Variants in ERC2 observed in about 807,000 individuals in gnomAD.
ERC2 encodes ELKS/RAB6-interacting/CAST family member 2.
Under a neutral mutation model 114.8 loss-of-function variants are expected in ERC2, and 42 were observed. That is an observed-to-expected ratio of 0.37 (90% CI 0.29 to 0.47). The LOEUF is 0.47. Ranked by LOEUF, ERC2 falls within the 20% of genes least tolerant of loss-of-function variation. The pLI is 0.99. For synonymous variants in ERC2, 454 were observed against 425.5 expected, an observed-to-expected ratio of 1.07 and a Z score of -0.82; for missense variants, 939 against 1,150.7, an observed-to-expected ratio of 0.82 and a Z score of 2.66.
intron 14 of ERC2, among the ~76,000 whole-genome samples, chr3:55,807,660 G>C (rs553396560): frequency 6.6e-6 from 1 of 152,174 alleles, no homozygotes; most frequent in African/African-American, 2.4e-5. Flanking sequence ...CCATCTGCTC[G>C]AGATGGAGGA....
intron 2 of ERC2, among the ~76,000 whole-genome samples, chr3:56,325,705 C>G (rs961919804): frequency 6.6e-6 from 1 of 152,138 alleles, no homozygotes; most frequent in African/African-American, 2.4e-5. Context: ...AAAGTACTTA[C>G]CCTGCACTGA....
At chr3:56,200,231 A>C (rs1469594167) in intron 3 of ERC2, among the ~76,000 whole-genome samples, 2 of 151,946 alleles carry the variant, frequency 1.3e-5, no homozygotes, top group Non-Finnish European at 2.9e-5. Context: ...AAACCCTCAC[A>C]CAGAGCAGGT....
In ERC2 at chr3:56,080,708, C is replaced by A. The variant is rs111399182; in HGVS notation, c.1641+109G>T. 2.3e-4 allele frequency: 256 copies of A among 1,114,570 alleles called. No individual in the cohort carries two copies. The African/African-American group carries it at 3.6e-3, about 16-fold the overall frequency. The allele number at this position is 1,114,570 out of a possible 1,614,324, so 69.0% of individuals were successfully genotyped here. A position where few individuals can be genotyped will look rare whatever the true frequency, so the allele number is the denominator to read the frequency against. ...ACACCAGTATGAAAATCAGCCTATT[C>A]TTCCTAAAGATTCGTAAAAGATCAC... On this transcript the variant is annotated intron_variant, in intron 7 of 17. Coordinates refer to ENST00000288221, the MANE Select transcript of ERC2 (RefSeq NM_015576.3).
At chr3:55,802,775 T>C (rs547420451) in intron 14 of ERC2, among the ~76,000 whole-genome samples, 2 of 152,204 alleles carry the variant, frequency 1.3e-5, no homozygotes, top group South Asian at 2.1e-4. Context: ...TTTTTTTTTC[T>C]GAAGGATTAA....
intron 17 of ERC2, among the ~76,000 whole-genome samples, chr3:55,583,894 C>CG (rs2057453830): frequency 6.6e-6 from 1 of 151,690 alleles, no homozygotes; most frequent in Admixed American, 6.6e-5. Flanking sequence ...GCTAGCCCCC[C>CG]TCCCAAAACA....
chr3:56,127,645 C>T (rs1293307413), intron 6 of ERC2, among the ~76,000 whole-genome samples: 1 of 151,940 alleles, frequency 6.6e-6, no homozygotes, highest in Non-Finnish European at 1.5e-5. Flanking sequence ...ATTGCTTGAA[C>T]CCAGGAGGCA....
chr3:56,003,847 T>A (rs772657121), intron 10 of ERC2, among the ~76,000 whole-genome samples: 50 of 152,244 alleles, frequency 3.3e-4, no homozygotes, highest in Non-Finnish European at 6.6e-4. Context: ...TCTTGTCTAT[T>A]TTGTGTTGAA....
intron 6 of ERC2, 78 bp downstream of exon 6, chr3:56,139,431 G>T: frequency 7.0e-7 from 1 of 1,420,894 alleles, no homozygotes; most frequent in Non-Finnish European, 9.6e-7. Context: ...AAGGGTCTTT[G>T]GAGGAAAGTT....
At chr3:56,132,380 T>C (rs1442128890) in intron 6 of ERC2, among the ~76,000 whole-genome samples, 1 of 152,252 alleles carries the variant, frequency 6.6e-6, no homozygotes, top group Non-Finnish European at 1.5e-5. Flanking sequence ...GTCTGCTCTC[T>C]AGTTTGTGTT....
chr3:55,956,998 C>T (rs2068003364), intron 12 of ERC2, among the ~76,000 whole-genome samples: 1 of 152,144 alleles, frequency 6.6e-6, no homozygotes, highest in South Asian at 2.1e-4. Context: ...TCTCACAACG[C>T]CAACATACTT....
chr3:55,835,953 C>G (rs1027942332), intron 14 of ERC2, among the ~76,000 whole-genome samples: 35 of 151,536 alleles, frequency 2.3e-4, no homozygotes, highest in Middle Eastern at 6.8e-3. Flanking sequence ...TTCTTATACA[C>G]CAATAACAGA....
rs1576941988 is a variant in ERC2, at chr3:56,433,565, A to C, written c.657+786T>G. ...AAGATAAGGCTGGAAATGTTGGCCC[A>C]GGCCTTCTAGTAGAAGTGCTATGGG... On this transcript the variant is annotated intron_variant, in intron 2 of 17. Coordinates refer to ENST00000288221, the MANE Select transcript of ERC2 (RefSeq NM_015576.3). Among the ~76,000 whole-genome samples, 3 of 152,366 alleles carry C rather than the reference A, an allele frequency of 2.0e-5. No homozygotes were observed. In the South Asian group the frequency reaches 6.2e-4, roughly 32 times the overall value.
chr3:55,629,476 C>A (rs9818576), intron 17 of ERC2, among the ~76,000 whole-genome samples: 1 of 152,154 alleles, frequency 6.6e-6, no homozygotes, highest in South Asian at 2.1e-4. Context: ...GATTTTATTA[C>A]AGTAATTCAA....
At chr3:55,782,823 G>A (rs1484736963) in intron 14 of ERC2, among the ~76,000 whole-genome samples, 1 of 152,148 alleles carries the variant, frequency 6.6e-6, no homozygotes, top group Admixed American at 6.5e-5. Flanking sequence ...TCACCTTCCA[G>A]CTTGGAAATA....
intron 4 of ERC2, among the ~76,000 whole-genome samples, chr3:56,159,334 G>GA (rs903607599): frequency 1.3e-5 from 2 of 151,914 alleles, no homozygotes; most frequent in African/African-American, 4.8e-5. Context: ...GAAAGAAGAG[G>GA]AAAAAAATCC....
chr3:56,398,386 T>C (rs1301895316), intron 2 of ERC2, among the ~76,000 whole-genome samples: 1 of 152,286 alleles, frequency 6.6e-6, no homozygotes, highest in Non-Finnish European at 1.5e-5. Flanking sequence ...AAAGTAGGGT[T>C]GCCAGATAAA....
At chr3:56,237,603 C>T (rs1389403126) in intron 3 of ERC2, among the ~76,000 whole-genome samples, 3 of 152,184 alleles carry the variant, frequency 2.0e-5, no homozygotes, top group Non-Finnish European at 1.5e-5. Flanking sequence ...CTTAAGCAAT[C>T]CTCTCTGGAA....
chr3:55,631,444 G>A (rs1209789181), intron 17 of ERC2, among the ~76,000 whole-genome samples: 1 of 152,136 alleles, frequency 6.6e-6, no homozygotes, highest in Non-Finnish European at 1.5e-5. Flanking sequence ...GACCTTCCAG[G>A]AAGAAAGGAA....
intron 2 of ERC2, among the ~76,000 whole-genome samples, chr3:56,337,493 T>G (rs1560618469): frequency 1.3e-5 from 2 of 152,228 alleles, no homozygotes; most frequent in Non-Finnish European, 2.9e-5. Context: ...CAATTTCACC[T>G]GGCTCTAAGG....
Sources: gnomAD v4.1 joint callset for allele counts (sites outside exome capture counted in the v4.1 genomes callset) on GRCh38, gnomAD v4.1.1 for gene constraint, MANE v1.5 for transcripts, NCBI Gene and HGNC (gene_info 2026-07-23, HGNC 2026-07-21) for gene names.